Variants in KIF16B observed in about 807,000 individuals in gnomAD.
KIF16B encodes kinesin family member 16B, also known as kinesin-like protein KIF16B.
Under a neutral mutation model 156.3 loss-of-function variants are expected in KIF16B, and 98 were observed. The ratio of observed to expected loss-of-function variants is 0.63; its 90% CI spans 0.53 to 0.74. KIF16B has a LOEUF of 0.74. Among genes scored for constraint, KIF16B ranks in the 30% least tolerant of loss-of-function variants. KIF16B has a pLI of 0.00. For synonymous variants in KIF16B, 564 were observed against 583.7 expected, an observed-to-expected ratio of 0.97 and a Z score of 0.49; for missense variants, 1,421 against 1,606.5, an observed-to-expected ratio of 0.88 and a Z score of 1.97.
intron 15 of KIF16B, among the ~76,000 whole-genome samples, chr20:16,417,227 C>T (rs529884271): frequency 8.3e-4 from 126 of 152,242 alleles, no homozygotes; most frequent in African/African-American, 3.0e-3. Context: ...TGTGTGTACA[C>T]GTGGATCTGA....
chr20:16,449,241 G>C (rs1486444667), intron 12 of KIF16B, among the ~76,000 whole-genome samples: 1 of 152,090 alleles, frequency 6.6e-6, no homozygotes, highest in African/African-American at 2.4e-5. Context: ...CTCTGAATAG[G>C]AAGGCAAAAG....
chr20:16,324,151 T>A (rs1200883626), intron 24 of KIF16B, among the ~76,000 whole-genome samples: 1 of 152,068 alleles, frequency 6.6e-6, no homozygotes, highest in Admixed American at 6.6e-5. Flanking sequence ...ATTTGAATTG[T>A]TGCAGAGACA....
At chr20:16,311,254 G>A (rs1393648056) in intron 25 of KIF16B, among the ~76,000 whole-genome samples, 1 of 152,206 alleles carries the variant, frequency 6.6e-6, no homozygotes, top group Non-Finnish European at 1.5e-5. Flanking sequence ...ATTGAGAGAT[G>A]GAGGCGGGAG....
chr20:16,501,299 A>ACCGGCAC (rs1417603459), intron 10 of KIF16B, among the ~76,000 whole-genome samples: 50 of 94,424 alleles, frequency 5.3e-4, no homozygotes, highest in Middle Eastern at 6.7e-3. Flanking sequence ...CAAGAATTGA[A>ACCGGCAC]TTCTTGGTTC....
Position 16,367,066 on chromosome 20 carries a change from T to C in KIF16B, c.3498+3520A>G, listed in dbSNP as rs886226613. On this transcript the variant is annotated intron_variant, in intron 22 of 25. Coordinates refer to ENST00000354981, the MANE Select transcript of KIF16B (RefSeq NM_024704.5). The stretch of plus-strand genomic sequence containing the variant: ...TCAATTAGCTACACGGAGATATTCA[T>C]ATTGCCTTGACTGTTTTCACAATGC... The C allele has an allele frequency of 9.0e-6, 13 of 1,447,074 alleles. No homozygotes were observed. The African/African-American group carries it at 1.6e-4, about 17-fold the overall frequency. The allele number at this position is 1,447,074 out of a possible 1,614,324, so 89.6% of individuals were successfully genotyped here.
At chr20:16,275,579 A>AC (rs1347280929) in intron 25 of KIF16B, among the ~76,000 whole-genome samples, 5 of 152,154 alleles carry the variant, frequency 3.3e-5, no homozygotes, top group Non-Finnish European at 5.9e-5. Flanking sequence ...AGTAATCTAG[A>AC]GAGAAGACTT....
chr20:16,446,162 G>A (rs1004232816), intron 12 of KIF16B, among the ~76,000 whole-genome samples: 2 of 152,156 alleles, frequency 1.3e-5, no homozygotes, highest in African/African-American at 4.8e-5. Flanking sequence ...TTACCCTTGT[G>A]TACCACTTAA....
At chr20:16,542,900 T>C (rs543521508) in intron 1 of KIF16B, among the ~76,000 whole-genome samples, 3 of 152,288 alleles carry the variant, frequency 2.0e-5, no homozygotes, top group African/African-American at 7.2e-5. Context: ...TTGGTGTGCA[T>C]AGACTCTAGA....
At chr20:16,462,238 T>C (rs2067365679) in intron 12 of KIF16B, among the ~76,000 whole-genome samples, 1 of 131,530 alleles carries the variant, frequency 7.6e-6, no homozygotes, top group African/African-American at 3.3e-5. Flanking sequence ...CAAAACTCCA[T>C]CTCAAAAAAA....
At chr20:16,464,424 T>C (rs1225400905) in intron 12 of KIF16B, among the ~76,000 whole-genome samples, 1 of 152,234 alleles carries the variant, frequency 6.6e-6, no homozygotes, top group Admixed American at 6.5e-5. Flanking sequence ...ATTTTTAACA[T>C]TGGTGATGGT....
rs1214241901 is a variant in KIF16B at position 16,272,968 on chromosome 20, C to T, written c.*285G>A. The T allele has an allele frequency of 1.3e-5, 4 of 310,256 alleles. No individual in the cohort carries two copies. Among genetic ancestry groups the T allele is most frequent in the South Asian group, 5.2e-5 (1 of 19,184 alleles). The allele number at this position is 310,256 out of a possible 1,614,324, so 19.2% of individuals were successfully genotyped here. On this transcript the variant is annotated 3_prime_UTR_variant, in exon 26 of 26. Coordinates refer to ENST00000354981, the MANE Select transcript of KIF16B (RefSeq NM_024704.5). ...ACCACATCTATCTTGCCACAGGGGACGAACTTTGCTGCGCAGTGAGAAGGA... is the reference window on the plus strand; with the variant it reads ...ACCACATCTATCTTGCCACAGGGGATGAACTTTGCTGCGCAGTGAGAAGGA...
At chr20:16,501,416 CACA>C (rs2068622655) in intron 10 of KIF16B, among the ~76,000 whole-genome samples, 1 of 151,932 alleles carries the variant, frequency 6.6e-6, no homozygotes, top group African/African-American at 2.4e-5. Context: ...TATTAACTGG[CACA>C]ACTACTTTTA....
intron 23 of KIF16B, 80 bp downstream of exon 23, chr20:16,356,250 C>T: frequency 7.7e-6 from 12 of 1,554,386 alleles, no homozygotes; most frequent in Non-Finnish European, 1.1e-5. Context: ...GCTTCATCCC[C>T]CTTTTGAAAA....
In KIF16B at chr20:16,562,894, T is replaced by C. The variant is rs1288947546; in HGVS notation, c.47+10335A>G. ...ACGGATCTAATGATGTTCACCCCTGTAGAACTGTTGTGAAGAAGTGAATTA... is the reference window on the plus strand; with the variant it reads ...ACGGATCTAATGATGTTCACCCCTGCAGAACTGTTGTGAAGAAGTGAATTA... On this transcript the variant is annotated intron_variant, in intron 1 of 25. Transcript: ENST00000354981. Among the ~76,000 whole-genome samples, 3 of 152,188 alleles carry C rather than the reference T, an allele frequency of 2.0e-5. No individual in the cohort carries two copies. The East Asian group carries it at 5.8e-4, about 29-fold the overall frequency.
intron 17 of KIF16B, 41 bp downstream of exon 17, chr20:16,404,772 A>G (rs759635002): frequency 6.8e-7 from 1 of 1,466,438 alleles, no homozygotes; most frequent in Non-Finnish European, 9.6e-7. Flanking sequence ...ATAAATGCAA[A>G]AGTGATCATC....
chr20:16,321,296 A>G (rs2063769964), intron 24 of KIF16B, among the ~76,000 whole-genome samples: 1 of 152,156 alleles, frequency 6.6e-6, no homozygotes, highest in Admixed American at 6.5e-5. Context: ...TTATAGAAAC[A>G]GTAAAAAGTG....
chr20:16,558,897 C>CAAAAAAAAAAAAAA, intron 1 of KIF16B, among the ~76,000 whole-genome samples: 1 of 62,062 alleles, frequency 1.6e-5, no homozygotes, highest in Non-Finnish European at 2.9e-5. Flanking sequence ...GAGCAAGACT[C>CAAAAAAAAAAAAAA]AAAAAAAAAA....
chr20:16,469,461 T>C (rs1465763330), intron 12 of KIF16B, among the ~76,000 whole-genome samples: 3 of 150,418 alleles, frequency 2.0e-5, no homozygotes, highest in Admixed American at 6.6e-5. Flanking sequence ...ACAACACTTA[T>C]CAAAATTTGC....
At chr20:16,449,631 C>T (rs1269432016) in intron 12 of KIF16B, among the ~76,000 whole-genome samples, 1 of 152,112 alleles carries the variant, frequency 6.6e-6, no homozygotes, top group Non-Finnish European at 1.5e-5. Flanking sequence ...AAAACCAGTT[C>T]AAAATAAAGG....
Sources: allele counts gnomAD v4.1 joint callset (sites outside exome capture counted in the v4.1 genomes callset), GRCh38; gene constraint gnomAD v4.1.1; transcripts MANE v1.5; gene names NCBI Gene and HGNC (gene_info 2026-07-23, HGNC 2026-07-21).